The following PARP2 variants were observed in gnomAD, a reference collection of about 807,000 sequenced individuals.
PARP2 encodes the protein poly(ADP-ribose) polymerase 2.
PARP2 carries 57 observed loss-of-function variants against 77.8 expected under a neutral mutation model. The observed-to-expected ratio is 0.73, with a 90% CI of 0.59 to 0.91. The LOEUF (loss-of-function observed/expected upper bound fraction) is 0.91, where lower values mean the gene tolerates loss of function less well. Ranked by LOEUF, PARP2 falls within the 40% of genes least tolerant of loss-of-function variation. The pLI, the probability that PARP2 is intolerant of heterozygous loss-of-function variation, is 0.00. For synonymous variants in PARP2, 226 were observed against 242.6 expected (o/e 0.93, Z 0.64); for missense variants, 651 against 689.0 (o/e 0.94, Z 0.62).
chr14:20,357,504 G>A lies in PARP2; in HGVS notation c.1537G>A (p.Ala513Thr). ...GCTGGGCAAGATGGCTCCCAGTTCT[G>A]CCCACTTCGTCACCCTGTAAGTACT... Reference protein sequence around the residue: ...KGLGKMAPSSAHFVTLNGSTV... With the variant: ...KGLGKMAPSSTHFVTLNGSTV... Residue 513 changes from alanine (A) to threonine (T), a missense_variant, in exon 15 of 16, where the codon GCC becomes ACC. Physicochemically the swap from Ala to Thr is moderately conservative, Grantham distance 58. Coordinates refer to ENST00000429687, the MANE Select transcript of PARP2 (RefSeq NM_001042618.2). 2 of 1,611,692 alleles carry A rather than the reference G, an allele frequency of 1.2e-6. No individual in the cohort carries two copies. Among genetic ancestry groups the A allele is most frequent in the South Asian group, 2.2e-5 (2 of 90,762 alleles).
intron 4 of PARP2, 29 bp downstream of exon 4, chr14:20,346,942 A>G: frequency 7.0e-7 from 1 of 1,429,042 alleles, no homozygotes; most frequent in East Asian, 2.3e-5. Flanking sequence ...TGGCACCATT[A>G]TATTTATGAG....
rs3093901 is a variant in PARP2 at position 20,349,886 on chromosome 14, C to G, written c.325-640C>G. On this transcript the variant is annotated intron_variant, in intron 4 of 15. Transcript: ENST00000429687. ...GCTATGCCTTATCATGGACTTCTCT[C>G]TCTTCACTCTGAGTGATTTACTTAC... 9.9e-3 allele frequency among the ~76,000 whole-genome samples: 1,502 copies of G among 152,294 alleles called. 21 individuals carry two copies. Among genetic ancestry groups the G allele is most frequent in the African/African-American group, 0.034 (1,413 of 41,542 alleles).
intron 1 of PARP2, 97 bp downstream of exon 1, chr14:20,343,784 A>G (rs1883605625): frequency 7.5e-6 from 10 of 1,327,638 alleles, no homozygotes; most frequent in Non-Finnish European, 1.1e-5. Context: ...CCAGCTCCCT[A>G]TAACCTGCAC....
Position 20,345,475 on chromosome 14 carries a change from C to T in PARP2, c.273+11C>T, listed in dbSNP as rs372386031. 1 of 1,604,398 alleles carries T rather than the reference C, an allele frequency of 6.2e-7. No individual in the cohort carries two copies. Among genetic ancestry groups the T allele is most frequent in the Admixed American group, 1.7e-5 (1 of 59,898 alleles). On this transcript the variant is annotated intron_variant, in intron 3 of 15. Coordinates refer to ENST00000429687, the MANE Select transcript of PARP2 (RefSeq NM_001042618.2). ...GCCAAGGTGGGGAAGGTAAGAGACT[C>T]TGGAACCGATCTTCAGTCCATGGAT... is the stretch of plus-strand genomic sequence containing the variant.
intron 4 of PARP2, among the ~76,000 whole-genome samples, chr14:20,349,192 C>A (rs1474788882): frequency 2.6e-5 from 4 of 151,756 alleles, no homozygotes; most frequent in Admixed American, 2.6e-4. Flanking sequence ...TACAAAAACA[C>A]CGGGCATGGG....
intron 3 of PARP2, 32 bp from the exon 4 acceptor site, chr14:20,346,831 A>G (rs781252652): frequency 8.9e-6 from 13 of 1,454,070 alleles, no homozygotes; most frequent in Admixed American, 3.3e-5. Flanking sequence ...AACCTATACT[A>G]ATGTTGATTT....
Position 20,345,424 on chromosome 14 carries a change from A to C in PARP2, c.233A>C (p.Lys78Thr), listed in dbSNP as rs1883679626. The change falls in exon 3 of 16, where the codon AAA (lysine) becomes ACA (threonine). Residue 78 changes from lysine to threonine, a missense_variant. Transcript: ENST00000429687. Reference sequence around the variant, plus strand: ...GTGAAGGCCTTGCTGTTAAAGGGCAAAGCTCCTGTGGACCCAGAGTGTACA... The same window carrying C: ...GTGAAGGCCTTGCTGTTAAAGGGCACAGCTCCTGTGGACCCAGAGTGTACA... ...ESVKALLLKG[K>T]APVDPECTAK... 1.2e-6 allele frequency: 2 copies of C among 1,613,934 alleles called. No individual in the cohort carries two copies. The highest frequency in any genetic ancestry group is 1.7e-6 in the Non-Finnish European group (2 of 1,179,946).
intron 3 of PARP2, 107 bp from the exon 4 acceptor site, chr14:20,346,756 G>A (rs1883734284): frequency 1.4e-6 from 1 of 735,940 alleles, no homozygotes; most frequent in Non-Finnish European, 2.5e-6. Context: ...GAATGTTGAT[G>A]TTGCTGTAGA....
Position 20,350,571 on chromosome 14 carries a change from T to G in PARP2, c.370T>G (p.Leu124Val), listed in dbSNP as rs1883919630. The G allele has an allele frequency of 6.2e-7, 1 of 1,611,372 alleles. No individual in the cohort carries two copies. The highest frequency in any genetic ancestry group is 1.3e-5 in the African/African-American group (1 of 74,912). Residue 124 changes from leucine (L) to valine (V), a missense_variant, in exon 5 of 16, where the codon TTA becomes GTA. Physicochemically the swap from Leu to Val is conservative, Grantham distance 32 (BLOSUM62 1). Coordinates refer to ENST00000429687, the MANE Select transcript of PARP2 (RefSeq NM_001042618.2). ...NNNKYYLIQL[L>V]EDDAQRNFSV... ...CAACAAGTACTATCTGATTCAGCTA[T>G]TAGAAGATGATGCCCAGAGGAACTT...
In PARP2 at chr14:20,345,556, C is replaced by G; in HGVS notation, c.273+92C>G. 4 of 892,736 alleles carry G rather than the reference C, an allele frequency of 4.5e-6. No homozygotes were observed. In the South Asian group the frequency reaches 6.1e-5, roughly 14 times the overall value. The allele number at this position is 892,736 out of a possible 1,614,324, so 55.3% of individuals were successfully genotyped here. Reference sequence around the variant, plus strand: ...TCCTGTCTGGGATGCTGTTAGTACTCATTTTAGGAATCCTCTCCAAAATAT... The same window carrying G: ...TCCTGTCTGGGATGCTGTTAGTACTGATTTTAGGAATCCTCTCCAAAATAT... On this transcript the variant is annotated intron_variant, in intron 3 of 15. Transcript: ENST00000429687.
At position 20,354,162 on chromosome 14, in the gene PARP2, G is replaced by A; in HGVS notation, c.678G>A (p.Gln226=). 1.2e-6 allele frequency: 2 copies of A among 1,612,462 alleles called. No homozygotes were observed. The highest frequency in any genetic ancestry group is 1.7e-6 in the Non-Finnish European group (2 of 1,178,524). The change falls in exon 8 of 16, where the codon CAG becomes CAA. Residue 226 remains glutamine, a synonymous_variant. Coordinates refer to ENST00000429687, the MANE Select transcript of PARP2 (RefSeq NM_001042618.2). ...KPESQLDLRV[Q]ELIKLICNVQ... ...AGTCACAGCTAGATCTTCGGGTACA[G>A]GAGTTAATAAAGTTGATCTGTAATG...
intron 12 of PARP2, 50 bp downstream of exon 12, chr14:20,356,484 A>G: frequency 6.2e-7 from 1 of 1,613,264 alleles, no homozygotes; most frequent in Non-Finnish European, 8.5e-7. Context: ...CCGAAAGTAC[A>G]GCTGTAGAAC....
At chr14:20,349,520 A>C (rs1400789752) in intron 4 of PARP2, among the ~76,000 whole-genome samples, 1 of 151,922 alleles carries the variant, frequency 6.6e-6, no homozygotes, top group Non-Finnish European at 1.5e-5. Context: ...AATACAAAAA[A>C]AAATTAGTCT....
In PARP2 at chr14:20,346,915, TA is replaced by T; in HGVS notation, c.324+4del. On this transcript the variant is annotated splice_donor_region_variant and intron_variant, in intron 4 of 15. Transcript: ENST00000429687. ...GTCTATGATGTCATGCTAAATCAGG[TA>T]AGAGGCAAGAAGAGGTGGCACCATT... The T allele has an allele frequency of 6.3e-7, 1 of 1,594,676 alleles. No homozygotes were observed. The highest frequency in any genetic ancestry group is 8.6e-7 in the Non-Finnish European group (1 of 1,163,484).
intron 4 of PARP2, 43 bp downstream of exon 4, chr14:20,346,956 ATCT>A (rs1236385654): frequency 3.3e-6 from 4 of 1,209,574 alleles, no homozygotes; most frequent in East Asian, 4.6e-5. Context: ...TTATGAGACC[ATCT>A]TCTTGATAAT....
intron 9 of PARP2, chr14:20,355,148 C>T: frequency 2.1e-6 from 1 of 483,188 alleles, no homozygotes; most frequent in Non-Finnish European, 3.6e-6. Flanking sequence ...TGACCACAGC[C>T]ATATTCTCTG....
chr14:20,347,356 G>GTATA (rs774986716), intron 4 of PARP2, among the ~76,000 whole-genome samples: 356 of 29,450 alleles, frequency 0.012, 4 homozygotes, highest in Non-Finnish European at 0.016. Flanking sequence ...ATGTGTGTGT[G>GTATA]TATATATATA....
In PARP2 at chr14:20,355,907, A is replaced by T; in HGVS notation, c.977A>T (p.Asp326Val). Residue 326 changes from aspartate (D) to valine (V), a missense_variant, in exon 11 of 16, where the codon GAC becomes GTC. By Grantham distance (152) the Asp-to-Val change is radical. Coordinates refer to ENST00000429687, the MANE Select transcript of PARP2 (RefSeq NM_001042618.2). ...ATCTCATCTTCTCAGGCTTTGGGAG[A>T]CATTGAAATTGCTATTAAGCTGGTG... ...EKIQLLEALG[D>V]IEIAIKLVKT... 6.2e-7 allele frequency: 1 copy of T among 1,614,102 alleles called. No individual in the cohort carries two copies. Among genetic ancestry groups the T allele is most frequent in the South Asian group, 1.1e-5 (1 of 91,080 alleles).
At chr14:20,347,355 TG>T (rs1326131565) in intron 4 of PARP2, among the ~76,000 whole-genome samples, 6 of 40,294 alleles carry the variant, frequency 1.5e-4, no homozygotes, top group Admixed American at 2.8e-4. Context: ...TATGTGTGTG[TG>T]TATATATATA....
Sources: allele counts gnomAD v4.1 joint callset (sites outside exome capture counted in the v4.1 genomes callset), GRCh38; gene constraint gnomAD v4.1.1; transcripts MANE v1.5; gene names NCBI Gene and HGNC (gene_info 2026-07-23, HGNC 2026-07-21).